RAPGEF1: variants seen among roughly 807,000 people sequenced by gnomAD.
RAPGEF1 encodes the protein CRK SH3-binding GNRP.
Under a neutral mutation model 143.3 loss-of-function variants are expected in RAPGEF1, and 33 were observed. The ratio of observed to expected loss-of-function variants is 0.23; its 90% CI spans 0.17 to 0.31. The LOEUF (loss-of-function observed/expected upper bound fraction) is 0.31. Ranked by LOEUF, RAPGEF1 falls within the 10% of genes least tolerant of loss-of-function variation. The pLI is 1.00. For missense variants in RAPGEF1, 1,199 were observed against 1,645.4 expected, an observed-to-expected ratio of 0.73 and a Z score of 4.69; for synonymous variants, 629 against 676.5, an observed-to-expected ratio of 0.93 and a Z score of 1.09.
chr9:131,728,293 G>A (rs1327741105), intron 1 of RAPGEF1, among the ~76,000 whole-genome samples: 1 of 152,192 alleles, frequency 6.6e-6, no homozygotes, highest in African/African-American at 2.4e-5. Flanking sequence ...GTTTTTAACT[G>A]TCACAAATGC....
At chr9:131,586,108 G>C (rs1053972942) in intron 22 of RAPGEF1, among the ~76,000 whole-genome samples, 21 of 152,018 alleles carry the variant, frequency 1.4e-4, no homozygotes, top group African/African-American at 4.8e-4. Flanking sequence ...GAACCCGGGA[G>C]GTGGAGCTTG....
rs1331759458 is a variant in RAPGEF1, at chr9:131,667,255, T to A, written c.62-16306A>T. On this transcript the variant is annotated intron_variant, in intron 1 of 26. Transcript: ENST00000683357. The surrounding 1 kb of genome is among the most constrained non-coding windows in gnomAD (Gnocchi z 4.6). ...TCTGCCTGCCTCGGCCTCCCCAAAG[T>A]GCTGGGATTACAGGTGTGAGCCACT... 1.3e-5 allele frequency among the ~76,000 whole-genome samples: 2 copies of A among 152,172 alleles called. No homozygotes were observed. The highest frequency in any genetic ancestry group is 4.8e-5 in the African/African-American group (2 of 41,436).
At position 131,737,899 on chromosome 9, in the gene RAPGEF1, C is replaced by T. The variant is rs1010450935; in HGVS notation, c.61+1871G>A. Among the ~76,000 whole-genome samples, 10 of 142,362 alleles carry T rather than the reference C, an allele frequency of 7.0e-5. No homozygotes were observed. The South Asian group carries it at 1.1e-3, about 16-fold the overall frequency. 93.4% of individuals were successfully genotyped at this position (142,362 alleles called of 152,430 possible). A position where few individuals can be genotyped will look rare whatever the true frequency, so the allele number is the denominator to read the frequency against. On this transcript the variant is annotated intron_variant, in intron 1 of 26. Transcript: ENST00000683357. ...AGAATGGCGTGAACCCAGGAGGAGG[C>T]GGAGCTTGCAGTGAGCCGAGATCGC...
chr9:131,607,289 G>T (rs1180461495), intron 12 of RAPGEF1, among the ~76,000 whole-genome samples: 18 of 152,202 alleles, frequency 1.2e-4, no homozygotes, highest in Non-Finnish European at 1.5e-5. Flanking sequence ...AGCTCGGGGG[G>T]CAGACACCCT....
intron 15 of RAPGEF1, among the ~76,000 whole-genome samples, chr9:131,599,404 A>G (rs1404241753): frequency 6.8e-6 from 1 of 146,990 alleles, no homozygotes; most frequent in Non-Finnish European, 1.5e-5. Flanking sequence ...TATAAGCATG[A>G]GCCACCGTGC....
chr9:131,579,288 C>G lies in RAPGEF1; in HGVS notation c.*209G>C. 3 of 635,150 alleles carry G rather than the reference C, an allele frequency of 4.7e-6. No homozygotes were observed. The highest frequency in any genetic ancestry group is 2.7e-6 in the Non-Finnish European group (1 of 374,484). 39.3% of individuals were successfully genotyped at this position (635,150 alleles called of 1,614,324 possible). On this transcript the variant is annotated 3_prime_UTR_variant, in exon 27 of 27. Transcript: ENST00000683357. Reference sequence around the variant, plus strand: ...CAACAAGACCTGCCTGCTGGCTGCCCTGAGGCCCACGGGTCTGCTCCCACA... The same window carrying G: ...CAACAAGACCTGCCTGCTGGCTGCCGTGAGGCCCACGGGTCTGCTCCCACA...
rs1830178814 is a variant in RAPGEF1 at position 131,664,866 on chromosome 9, T to C, written c.62-13917A>G. Among the ~76,000 whole-genome samples the C allele has an allele frequency of 2.0e-5, 3 of 152,360 alleles. No individual in the cohort carries two copies. The South Asian group carries it at 6.2e-4, about 32-fold the overall frequency. On this transcript the variant is annotated intron_variant, in intron 1 of 26. Coordinates refer to ENST00000683357, the MANE Select transcript of RAPGEF1 (RefSeq NM_001377935.1). ...TTTTTCTGAATTTGTAAAATATTTA[T>C]ACAGTTCAAAAGTTAAAAAACTACA... is the stretch of plus-strand genomic sequence containing the variant.
chr9:131,610,280 C>T (rs928716236), intron 12 of RAPGEF1, among the ~76,000 whole-genome samples: 15 of 151,966 alleles, frequency 9.9e-5, no homozygotes, highest in African/African-American at 3.4e-4. Flanking sequence ...AGGAAGAGCG[C>T]GTGCCAGAGG....
chr9:131,709,933 C>T (rs1168678888), intron 1 of RAPGEF1: 8 of 985,414 alleles, frequency 8.1e-6, no homozygotes, highest in Non-Finnish European at 8.4e-6. Context: ...CTACCGGTGC[C>T]TCTCAGGCAT....
In RAPGEF1 at chr9:131,577,915, T is replaced by A. The variant is rs1369560643; in HGVS notation, c.*1582A>T. On this transcript the variant is annotated 3_prime_UTR_variant, in exon 27 of 27. Coordinates refer to ENST00000683357, the MANE Select transcript of RAPGEF1 (RefSeq NM_001377935.1). Reference sequence around the variant, plus strand: ...GAAAAAGCCCACATTTTCTTCTTGATAAATGCTGTTCAAAAACCCATGAAG... The same window carrying A: ...GAAAAAGCCCACATTTTCTTCTTGAAAAATGCTGTTCAAAAACCCATGAAG... The A allele has an allele frequency of 6.6e-6, 1 of 152,194 alleles. No individual in the cohort carries two copies. Among genetic ancestry groups the A allele is most frequent in the Non-Finnish European group, 1.5e-5 (1 of 68,038 alleles). The allele number at this position is 152,194 out of a possible 1,614,324, so 9.4% of individuals were successfully genotyped here. A position where few individuals can be genotyped will look rare whatever the true frequency, so the allele number is the denominator to read the frequency against.
intron 1 of RAPGEF1, among the ~76,000 whole-genome samples, chr9:131,672,037 GTGC>G (rs1564671554): frequency 2.0e-5 from 3 of 152,270 alleles, no homozygotes; most frequent in African/African-American, 4.8e-5. Context: ...GGGCCAATAG[GTGC>G]TGCTGTAGGT....
chr9:131,710,205 C>T (rs1010822754), intron 1 of RAPGEF1, among the ~76,000 whole-genome samples: 4 of 152,108 alleles, frequency 2.6e-5, no homozygotes, highest in Admixed American at 1.3e-4. Context: ...GTGTGCACCA[C>T]GTAACAAGTA....
intron 1 of RAPGEF1, among the ~76,000 whole-genome samples, chr9:131,725,920 AG>A: frequency 6.6e-6 from 1 of 151,838 alleles, no homozygotes; most frequent in East Asian, 1.9e-4. Context: ...CACCATGCCC[AG>A]CTAATTTTTT....
intron 1 of RAPGEF1, among the ~76,000 whole-genome samples, chr9:131,699,964 C>T (rs55643208): frequency 6.6e-6 from 1 of 152,090 alleles, no homozygotes; most frequent in Non-Finnish European, 1.5e-5. Context: ...GGCCTAATGG[C>T]CACCTCCTTG....
chr9:131,640,843 G>C (rs1227503367), intron 4 of RAPGEF1, among the ~76,000 whole-genome samples: 1 of 152,126 alleles, frequency 6.6e-6, no homozygotes, highest in East Asian at 1.9e-4. Context: ...CATCTAAAAG[G>C]AGCATCTGAG....
rs995998783 is a variant in RAPGEF1 at position 131,723,637 on chromosome 9, C to G, written c.61+16133G>C. Reference sequence around the variant, plus strand: ...TCCTTTTTAAGGCTGAATAATATTCCATGTATGAACAGCCCACGTTTTCTT... The same window carrying G: ...TCCTTTTTAAGGCTGAATAATATTCGATGTATGAACAGCCCACGTTTTCTT... On this transcript the variant is annotated intron_variant, in intron 1 of 26. Transcript: ENST00000683357. Among the ~76,000 whole-genome samples the G allele has an allele frequency of 3.9e-5, 6 of 152,264 alleles. No homozygotes were observed. The East Asian group carries it at 7.7e-4, about 20-fold the overall frequency.
rs535451889 is a variant in RAPGEF1 at position 131,637,723 on chromosome 9, G to A, written c.651+912C>T. ...AGGCCTGACTGCTCCGTATGTGCCA[G>A]GTGCTGTTCTAGAAGCATTATGTGT... On this transcript the variant is annotated intron_variant, in intron 5 of 26. Coordinates refer to ENST00000683357, the MANE Select transcript of RAPGEF1 (RefSeq NM_001377935.1). Among the ~76,000 whole-genome samples, 13 of 152,308 alleles carry A rather than the reference G, an allele frequency of 8.5e-5. No individual in the cohort carries two copies. In the East Asian group the frequency reaches 2.3e-3, roughly 27 times the overall value.
intron 1 of RAPGEF1, among the ~76,000 whole-genome samples, chr9:131,701,139 C>T (rs1484857067): frequency 1.3e-5 from 2 of 152,062 alleles, no homozygotes; most frequent in Non-Finnish European, 2.9e-5. Flanking sequence ...TGGGCACTGG[C>T]CATGGCTATT....
chr9:131,661,524 T>A (rs1172182858), intron 1 of RAPGEF1, among the ~76,000 whole-genome samples: 1 of 152,132 alleles, frequency 6.6e-6, no homozygotes, highest in African/African-American at 2.4e-5. Context: ...TACCAGTGTG[T>A]TCAACTTGCG....
Sources: allele counts gnomAD v4.1 joint callset (sites outside exome capture counted in the v4.1 genomes callset), GRCh38; gene constraint gnomAD v4.1.1; non-coding constraint Gnocchi (gnomAD v3.1); transcripts MANE v1.5; gene names NCBI Gene and HGNC (gene_info 2026-07-23, HGNC 2026-07-21).